Variants in TRIM33 observed in about 807,000 individuals in gnomAD.
TRIM33 encodes E3 ubiquitin-protein ligase TRIM33.
In TRIM33, 20 loss-of-function variants were observed where a neutral mutation model predicts 125.4. The observed-to-expected ratio is 0.16, with a 90% confidence interval of 0.11 to 0.23. The LOEUF (loss-of-function observed/expected upper bound fraction) is 0.23. Among genes scored for constraint, TRIM33 ranks in the 10% least tolerant of loss-of-function variants. The pLI, the probability that TRIM33 is intolerant of heterozygous loss-of-function variation, is 1.00. For synonymous variants in TRIM33, 564 were observed against 513.9 expected (o/e 1.10, Z -1.32); for missense variants, 920 against 1,411.4 (o/e 0.65, Z 5.58).
chr1:114,493,620 G>A (rs1652198982), intron 1 of TRIM33, among the ~76,000 whole-genome samples: 1 of 152,058 alleles, frequency 6.6e-6, no homozygotes, highest in Admixed American at 6.5e-5. Context: ...TGCATATGGT[G>A]TGAAGTAGGG....
chr1:114,493,928 C>T (rs573583665), intron 1 of TRIM33, among the ~76,000 whole-genome samples: 2 of 152,184 alleles, frequency 1.3e-5, no homozygotes, highest in African/African-American at 2.4e-5. Flanking sequence ...CTGATTCAAG[C>T]GATTCTCCTG....
rs767671612 is a variant in TRIM33 at position 114,510,838 on chromosome 1, G to A, written c.239C>T (p.Ser80Phe). The change falls in exon 1 of 20, where the codon TCT (serine) becomes TTT (phenylalanine). Residue 80 changes from serine (S) to phenylalanine (F), a missense_variant. Ser to Phe is a radical substitution (Grantham distance 155). This residue lies in a region of TRIM33 where 233 missense variants were observed against 189.6 expected (regional missense o/e 1.23). Coordinates refer to ENST00000358465, the MANE Select transcript of TRIM33 (RefSeq NM_015906.4). ...TCCAGTGCCCACTGAGGCCGCAGGA[G>A]ATGAAGCAGCCTGGGCCGAGCCCGA... Reference protein sequence around the residue: ...ASSGSAQAASSPAASVGTGVA... With the variant: ...ASSGSAQAASFPAASVGTGVA... 2.5e-4 allele frequency: 385 copies of A among 1,517,586 alleles called. No individual in the cohort carries two copies. The highest frequency in any genetic ancestry group is 3.2e-4 in the Non-Finnish European group (366 of 1,140,102). 94.0% of individuals were successfully genotyped at this position (1,517,586 alleles called of 1,614,324 possible).
At chr1:114,459,217 G>A (rs936883578) in intron 4 of TRIM33, among the ~76,000 whole-genome samples, 8 of 152,154 alleles carry the variant, frequency 5.3e-5, no homozygotes, top group African/African-American at 1.9e-4. Context: ...TAAACAGTTG[G>A]AACTTTCAGC....
chr1:114,427,714 C>G (rs1255667707), intron 7 of TRIM33, 34 bp downstream of exon 7: 1 of 1,592,292 alleles, frequency 6.3e-7, no homozygotes, highest in East Asian at 2.2e-5. Context: ...TAATAAAGTC[C>G]ATTAAAGAAA....
In TRIM33 at chr1:114,414,988, TA is replaced by T. The variant is rs1328061716; in HGVS notation, c.2062-4673del. Among the ~76,000 whole-genome samples, 109 of 136,668 alleles carry T rather than the reference TA, an allele frequency of 8.0e-4. 1 individual carries two copies. The highest frequency in any genetic ancestry group is 1.6e-4 in the Non-Finnish European group (10 of 64,412). 89.7% of individuals were successfully genotyped at this position (136,668 alleles called of 152,430 possible). A position where few individuals can be genotyped will look rare whatever the true frequency, so the allele number is the denominator to read the frequency against. Reference sequence around the variant, plus strand: ...ACCAACATATCCATGAGGTAGATTCTATTTTTTTTTTTTTTTTTTTTTTTGA... The same window carrying T: ...ACCAACATATCCATGAGGTAGATTCTTTTTTTTTTTTTTTTTTTTTTTTGA... On this transcript the variant is annotated intron_variant, in intron 11 of 19. Coordinates refer to ENST00000358465, the MANE Select transcript of TRIM33 (RefSeq NM_015906.4).
rs1435415909 is a variant in TRIM33, at chr1:114,402,865, T to C, written c.2787A>G (p.Thr929=). ...CTGGCTTTCCAATATCTCTACAAAA[T>C]GTGCATATCCAGTCCCCACTAGACA... The part of the protein sequence containing the change: ...LSFPSGDWIC[T]FCRDIGKPEV... The change falls in exon 16 of 20, where the codon ACA becomes ACG. Residue 929 remains threonine (T), a synonymous_variant. Coordinates refer to ENST00000358465, the MANE Select transcript of TRIM33 (RefSeq NM_015906.4). 15 of 1,613,818 alleles carry C rather than the reference T, an allele frequency of 9.3e-6. No individual in the cohort carries two copies. Among genetic ancestry groups the C allele is most frequent in the Middle Eastern group, 1.6e-4 (1 of 6,084 alleles).
chr1:114,479,604 A>G (rs909200240), intron 1 of TRIM33, among the ~76,000 whole-genome samples: 4 of 152,240 alleles, frequency 2.6e-5, no homozygotes, highest in African/African-American at 9.6e-5. Context: ...TATTTGTACC[A>G]CAAAAAATCT....
At chr1:114,494,726 G>A (rs1478743556) in intron 1 of TRIM33, among the ~76,000 whole-genome samples, 1 of 152,174 alleles carries the variant, frequency 6.6e-6, no homozygotes. Context: ...GGTTCTCACA[G>A]ATCTGCAAAT....
chr1:114,424,780 T>C, intron 9 of TRIM33, 25 bp from the exon 10 acceptor site: 1 of 1,411,198 alleles, frequency 7.1e-7, no homozygotes, highest in African/African-American at 1.5e-5. Flanking sequence ...AATTGCAATT[T>C]ATGTAATAAT....
intron 15 of TRIM33, 124 bp from the exon 16 acceptor site, chr1:114,403,007 T>C (rs1450840308): frequency 4.0e-6 from 4 of 1,001,796 alleles, no homozygotes; most frequent in African/African-American, 3.3e-5. Flanking sequence ...GGAGGTTTTA[T>C]AGTTGTGAAA....
At position 114,394,262 on chromosome 1, in the gene TRIM33, T is replaced by C. The variant is rs1571995993; in HGVS notation, c.*3386A>G. 2.2e-5 allele frequency: 5 copies of C among 229,336 alleles called. No individual in the cohort carries two copies. The highest frequency in any genetic ancestry group is 1.7e-4 in the Admixed American group (3 of 17,646). The allele number at this position is 229,336 out of a possible 1,614,324, so 14.2% of individuals were successfully genotyped here. A position where few individuals can be genotyped will look rare whatever the true frequency, so the allele number is the denominator to read the frequency against. ...TGAGATTTTTATATTTCACATGTTG[T>C]ACATGAATGGGGGTGGATATGGGAC... On this transcript the variant is annotated 3_prime_UTR_variant, in exon 20 of 20. Transcript: ENST00000358465.
chr1:114,426,644 G>A (rs1012563704), intron 8 of TRIM33, among the ~76,000 whole-genome samples: 1 of 151,998 alleles, frequency 6.6e-6, no homozygotes, highest in Non-Finnish European at 1.5e-5. Context: ...TTGTGTGCAT[G>A]TGTTTTAACT....
intron 1 of TRIM33, among the ~76,000 whole-genome samples, chr1:114,489,305 A>T (rs1018605569): frequency 3.3e-5 from 5 of 152,248 alleles, no homozygotes; most frequent in African/African-American, 1.2e-4. Context: ...ACTTTATCAG[A>T]GAATCTGAAT....
chr1:114,481,639 A>ATATGTGTGTGTG (rs1553220465), intron 1 of TRIM33, among the ~76,000 whole-genome samples: 1 of 142,338 alleles, frequency 7.0e-6, no homozygotes, highest in African/African-American at 2.6e-5. Context: ...CTATATATAT[A>ATATGTGTGTGTG]TGTGTGTGTG....
intron 8 of TRIM33, among the ~76,000 whole-genome samples, chr1:114,426,696 T>TAC (rs957138210): frequency 6.6e-6 from 1 of 152,172 alleles, no homozygotes; most frequent in Non-Finnish European, 1.5e-5. Context: ...AGGTCCATAC[T>TAC]ACGCTGTAAC....
At chr1:114,453,619 T>C (rs186652146) in intron 4 of TRIM33, among the ~76,000 whole-genome samples, 1 of 152,346 alleles carries the variant, frequency 6.6e-6, no homozygotes, top group East Asian at 1.9e-4. Context: ...GATGAAATTA[T>C]CTTTGTTTGC....
At chr1:114,458,494 T>A (rs564577708) in intron 4 of TRIM33, among the ~76,000 whole-genome samples, 1 of 152,288 alleles carries the variant, frequency 6.6e-6, no homozygotes, top group South Asian at 2.1e-4. Flanking sequence ...TGACTCAGCA[T>A]AACTCACTGC....
At chr1:114,438,684 T>C (rs1008083846) in intron 4 of TRIM33, among the ~76,000 whole-genome samples, 2 of 139,332 alleles carry the variant, frequency 1.4e-5, no homozygotes, top group Non-Finnish European at 3.2e-5. Context: ...GTGTCTCACT[T>C]CTTCTCCAGT....
At chr1:114,459,370 C>T (rs78076575) in intron 4 of TRIM33, among the ~76,000 whole-genome samples, 1,552 of 152,292 alleles carry the variant, frequency 0.01, 25 homozygotes, top group African/African-American at 0.035. Context: ...TTACTGAACA[C>T]GTGGAGGATA....
Sources: allele counts gnomAD v4.1 joint callset (sites outside exome capture counted in the v4.1 genomes callset), GRCh38; gene constraint gnomAD v4.1.1; regional missense constraint gnomAD v4.1.1; transcripts MANE v1.5; gene names NCBI Gene and HGNC (gene_info 2026-07-23, HGNC 2026-07-21).